PPFIA1: variants seen among roughly 807,000 people sequenced by gnomAD.
PPFIA1 encodes the protein liprin-alpha-1.
In PPFIA1, 25 loss-of-function variants were observed where a neutral mutation model predicts 149.9. That is an observed-to-expected ratio of 0.17 (90% confidence interval 0.12 to 0.23). The LOEUF is 0.23. PPFIA1 is among the 10% of genes least tolerant of loss of function. The pLI is 1.00. For synonymous variants in PPFIA1, 549 were observed against 552.8 expected, an observed-to-expected ratio of 0.99 and a Z score of 0.10; for missense variants, 1,362 against 1,506.5, an observed-to-expected ratio of 0.90 and a Z score of 1.59.
intron 27 of PPFIA1, 113 bp downstream of exon 27, chr11:70,382,271 G>C: frequency 1.5e-6 from 1 of 680,264 alleles, no homozygotes; most frequent in South Asian, 2.1e-5. Flanking sequence ...CAGTTTTTGG[G>C]GAATTTAAAA....
intron 2 of PPFIA1, among the ~76,000 whole-genome samples, chr11:70,298,760 A>G (rs573976019): frequency 1.3e-5 from 2 of 152,220 alleles, no homozygotes; most frequent in African/African-American, 4.8e-5. Context: ...CACTATGGGG[A>G]TTGCTGTTAC....
chr11:70,351,856 C>T (rs1464992287), intron 16 of PPFIA1, among the ~76,000 whole-genome samples: 3 of 152,194 alleles, frequency 2.0e-5, no homozygotes, highest in Middle Eastern at 3.2e-3. Context: ...ATACTCTGAC[C>T]TCCCTGGCAG....
chr11:70,333,456 G>C lies in PPFIA1; in HGVS notation c.1213-14G>C. ...TGTAAGGATGACGTCAGCGTACGCT[G>C]TTTCTGCTGACAGGCTGAAGAGAGA... On this transcript the variant is annotated splice_polypyrimidine_tract_variant and intron_variant, in intron 9 of 27. Transcript: ENST00000253925. 6.2e-7 allele frequency: 1 copy of C among 1,609,136 alleles called. No homozygotes were observed. Among genetic ancestry groups the C allele is most frequent in the East Asian group, 2.2e-5 (1 of 44,836 alleles).
intron 16 of PPFIA1, chr11:70,351,016 G>A (rs1292828845): frequency 8.0e-6 from 10 of 1,249,398 alleles, no homozygotes; most frequent in East Asian, 1.2e-4. Context: ...AGGAAACATC[G>A]TAGAAAGGTA....
intron 25 of PPFIA1, among the ~76,000 whole-genome samples, chr11:70,377,566 C>T (rs530678328): frequency 5.9e-5 from 9 of 152,070 alleles, no homozygotes; most frequent in South Asian, 4.1e-4. Flanking sequence ...TAGGAGGCTG[C>T]GGTGGGAGGA....
At chr11:70,317,182 A>C (rs1478628975) in intron 2 of PPFIA1, among the ~76,000 whole-genome samples, 2 of 152,196 alleles carry the variant, frequency 1.3e-5, no homozygotes, top group African/African-American at 4.8e-5. Flanking sequence ...ATAGGAAAAA[A>C]TGTACACTGA....
rs560874359 is a variant in PPFIA1 at position 70,272,618 on chromosome 11, C to T, written c.264+182C>T. ...ATTAAACTTCTTAGGGAGAACAAAT[C>T]GTTGTACTCTAAAGTCATGTGAAAA... On this transcript the variant is annotated intron_variant, in intron 2 of 27. Coordinates refer to ENST00000253925, the MANE Select transcript of PPFIA1 (RefSeq NM_003626.5). 5.3e-5 allele frequency among the ~76,000 whole-genome samples: 8 copies of T among 152,204 alleles called. No homozygotes were observed. In the South Asian group the frequency reaches 1.2e-3, roughly 24 times the overall value.
At chr11:70,364,268 T>C (rs545937617) in intron 21 of PPFIA1, 18 of 152,338 alleles carry the variant, frequency 1.2e-4, no homozygotes, top group Admixed American at 2.6e-4. Context: ...GCTGTACTTA[T>C]ACAGTTTCTC....
At position 70,326,828 on chromosome 11, in the gene PPFIA1, A is replaced by G. The variant is rs747708057; in HGVS notation, c.930+10A>G. The G allele has an allele frequency of 6.9e-6, 11 of 1,601,858 alleles. No individual in the cohort carries two copies. The highest frequency in any genetic ancestry group is 1.7e-4 in the Middle Eastern group (1 of 6,020). On this transcript the variant is annotated intron_variant, in intron 7 of 27. Transcript: ENST00000253925. The stretch of plus-strand genomic sequence containing the variant: ...ACGAGATGTCCGTGAAGTGAGCAAT[A>G]ACAAAAACTACAGTCTTGTCATGAA...
chr11:70,343,802 T>G lies in PPFIA1; in HGVS notation c.1841T>G (p.Val614Gly). ...EDDRDTLLSSVDLLSPSGQAD... is the reference protein window; with the variant it reads ...EDDRDTLLSSGDLLSPSGQAD... ...GACAGGGACACTCTCCTCAGCTCAG[T>G]TGACCTGCTATCGCCCAGCGGGCAG... Residue 614 changes from valine to glycine, a missense_variant, in exon 15 of 28, where the codon GTT becomes GGT. Physicochemically the swap from Val to Gly is moderately radical, Grantham distance 109. This residue lies in a region of PPFIA1 where 733 missense variants were observed against 744.1 expected (regional missense o/e 0.99). Transcript: ENST00000253925. 1 of 1,614,208 alleles carries G rather than the reference T, an allele frequency of 6.2e-7. No individual in the cohort carries two copies. Among genetic ancestry groups the G allele is most frequent in the Non-Finnish European group, 8.5e-7 (1 of 1,180,044 alleles).
intron 3 of PPFIA1, 141 bp from the exon 4 acceptor site, chr11:70,324,706 C>A: frequency 2.1e-6 from 2 of 942,446 alleles, no homozygotes; most frequent in Non-Finnish European, 3.2e-6. Context: ...TATTTTAATA[C>A]AATTGAGAGG....
chr11:70,276,146 A>T (rs1591015128), intron 2 of PPFIA1, among the ~76,000 whole-genome samples: 1 of 152,188 alleles, frequency 6.6e-6, no homozygotes, highest in East Asian at 1.9e-4. Context: ...TTGCTCCATT[A>T]CCCAGCCCGG....
rs574432413 is a variant in PPFIA1, at chr11:70,371,175, T to A, written c.2866-1040T>A. On this transcript the variant is annotated intron_variant, in intron 21 of 27. Coordinates refer to ENST00000253925, the MANE Select transcript of PPFIA1 (RefSeq NM_003626.5). ...AATTATTTAGAAGTATGCTAATTTT[T>A]AAATATTTAGTAGGGGGTTCTAGAT... Among the ~76,000 whole-genome samples, 4 of 152,330 alleles carry A rather than the reference T, an allele frequency of 2.6e-5. 1 individual carries two copies. In the South Asian group the frequency reaches 8.3e-4, roughly 32 times the overall value.
Position 70,272,423 on chromosome 11 carries a change from C to G in PPFIA1, c.251C>G (p.Thr84Arg). 6.2e-7 allele frequency: 1 copy of G among 1,612,740 alleles called. No individual in the cohort carries two copies. The highest frequency in any genetic ancestry group is 8.5e-7 in the Non-Finnish European group (1 of 1,179,038). ...GATTCCTTGCAGAGACAGCTCAACA[C>G]GGCACTTCCACAGGTATGAGTGCTT... is the stretch of plus-strand genomic sequence containing the variant. ...ERDSLQRQLN[T>R]ALPQEFAALT... The change falls in exon 2 of 28, where the codon ACG becomes AGG. Residue 84 changes from threonine to arginine, a missense_variant. Thr to Arg is a moderately conservative substitution (Grantham distance 71). Transcript: ENST00000253925.
intron 2 of PPFIA1, among the ~76,000 whole-genome samples, chr11:70,294,773 T>C (rs1221522067): frequency 6.6e-6 from 1 of 151,836 alleles, no homozygotes; most frequent in Non-Finnish European, 1.5e-5. Flanking sequence ...GCATGCTGCC[T>C]TCAAGCATCT....
At chr11:70,322,413 G>A (rs552504973) in intron 2 of PPFIA1, among the ~76,000 whole-genome samples, 1 of 152,280 alleles carries the variant, frequency 6.6e-6, no homozygotes, top group East Asian at 1.9e-4. Flanking sequence ...AAACAAACTT[G>A]GTGGGAGGAC....
intron 2 of PPFIA1, among the ~76,000 whole-genome samples, chr11:70,319,462 T>C (rs183405393): frequency 2.6e-5 from 4 of 152,240 alleles, no homozygotes. Flanking sequence ...ATATTGATTT[T>C]AGTTCAGATC....
chr11:70,315,390 A>G (rs548689516), intron 2 of PPFIA1, among the ~76,000 whole-genome samples: 3 of 152,234 alleles, frequency 2.0e-5, no homozygotes, highest in East Asian at 1.9e-4. Flanking sequence ...CCATCTATCT[A>G]TGGACTGACG....
At chr11:70,302,790 A>G (rs1200454600) in intron 2 of PPFIA1, among the ~76,000 whole-genome samples, 1 of 140,234 alleles carries the variant, frequency 7.1e-6, no homozygotes, top group Non-Finnish European at 1.5e-5. Context: ...TTTTTTTTTT[A>G]AAGACATGTG....
Sources: gnomAD v4.1 joint callset for allele counts (sites outside exome capture counted in the v4.1 genomes callset) on GRCh38, gnomAD v4.1.1 for gene constraint, gnomAD v4.1.1 regional missense constraint, MANE v1.5 for transcripts, NCBI Gene and HGNC (gene_info 2026-07-23, HGNC 2026-07-21) for gene names.